RBM27: variants seen among roughly 807,000 people sequenced by gnomAD.
The protein encoded by RBM27 is RNA binding motif protein 27, also known as RNA-binding protein 27.
A neutral mutation model predicts 135.3 loss-of-function variants in RBM27; 22 were observed. The ratio of observed to expected loss-of-function variants is 0.16; its 90% confidence interval spans 0.12 to 0.23. The LOEUF (loss-of-function observed/expected upper bound fraction) is 0.23. Ranked by LOEUF, RBM27 falls within the 10% of genes least tolerant of loss-of-function variation. RBM27 has a pLI of 1.00. For missense variants in RBM27, 1,009 were observed against 1,281.0 expected (o/e 0.79, Z 3.24); for synonymous variants, 481 against 442.4 (o/e 1.09, Z -1.10).
At chr5:146,220,018 C>T (rs1281958272) in intron 2 of RBM27, among the ~76,000 whole-genome samples, 1 of 152,110 alleles carries the variant, frequency 6.6e-6, no homozygotes, top group Admixed American at 6.6e-5. Context: ...AAGGCATGAG[C>T]CCCTGTGCCT....
chr5:146,279,003 C>T (rs775197957), intron 19 of RBM27, among the ~76,000 whole-genome samples: 8 of 151,920 alleles, frequency 5.3e-5, no homozygotes, highest in Non-Finnish European at 1.5e-5. Flanking sequence ...TTACAGGCAT[C>T]AGCCCCTGCG....
At position 146,271,691 on chromosome 5, in the gene RBM27, G is replaced by A. The variant is rs772447091; in HGVS notation, c.2988+17G>A. 2.6e-5 allele frequency: 42 copies of A among 1,588,544 alleles called. No homozygotes were observed. The Admixed American group carries it at 6.9e-4, about 26-fold the overall frequency. Reference sequence around the variant, plus strand: ...CATTTCTCAGTAAGTTTTTAAAATAGCAAATGCTAACTGTAAAAACACTGT... The same window carrying A: ...CATTTCTCAGTAAGTTTTTAAAATAACAAATGCTAACTGTAAAAACACTGT... On this transcript the variant is annotated intron_variant, in intron 19 of 20. Coordinates refer to ENST00000265271, the MANE Select transcript of RBM27 (RefSeq NM_018989.2).
At chr5:146,247,515 A>G (rs1757681618) in intron 8 of RBM27, among the ~76,000 whole-genome samples, 2 of 152,178 alleles carry the variant, frequency 1.3e-5, no homozygotes, top group African/African-American at 4.8e-5. Context: ...CTTTATAGAA[A>G]TATCCTTTAC....
intron 14 of RBM27, among the ~76,000 whole-genome samples, chr5:146,266,294 G>A (rs866592322): frequency 8.5e-5 from 13 of 152,266 alleles, no homozygotes; most frequent in Admixed American, 3.3e-4. Flanking sequence ...TGAGTGACCT[G>A]GTTTCTTCAA....
Position 146,233,527 on chromosome 5 carries a change from C to T in RBM27, c.928C>T (p.Leu310=), listed in dbSNP as rs1370587681. 3 of 1,612,426 alleles carry T rather than the reference C, an allele frequency of 1.9e-6. No individual in the cohort carries two copies. The highest frequency in any genetic ancestry group is 2.2e-5 in the East Asian group (1 of 44,738). The change falls in exon 7 of 21, where the codon CTG becomes TTG. Residue 310 remains leucine, a synonymous_variant. Transcript: ENST00000265271. Reference sequence around the variant, plus strand: ...TCCCCTAGTTGTTGATGAAGTTGCTCTGCCAAGTATGATTCCTTTCCCACC... The same window carrying T: ...TCCCCTAGTTGTTGATGAAGTTGCTTTGCCAAGTATGATTCCTTTCCCACC... ...NDPLVVDEVA[L]PSMIPFPPPP...
In RBM27 at chr5:146,229,189, G is replaced by GT. The variant is rs559539212; in HGVS notation, c.395+158dup. 71 of 618,738 alleles carry GT rather than the reference G, an allele frequency of 1.1e-4. No individual in the cohort carries two copies. In the South Asian group the frequency reaches 1.5e-3, roughly 13 times the overall value. 38.3% of individuals were successfully genotyped at this position (618,738 alleles called of 1,614,324 possible). A position where few individuals can be genotyped will look rare whatever the true frequency, so the allele number is the denominator to read the frequency against. On this transcript the variant is annotated intron_variant, in intron 4 of 20. Transcript: ENST00000265271. The stretch of plus-strand genomic sequence containing the variant: ...TACCTTTCTTCCTTTCATTCTTTCT[G>GT]TTTTTTGTCTTTTGTCTTACTTTCT...
intron 1 of RBM27, among the ~76,000 whole-genome samples, chr5:146,216,125 C>T (rs989173011): frequency 2.6e-5 from 4 of 152,002 alleles, no homozygotes; most frequent in East Asian, 3.9e-4. Context: ...GGCACAATCT[C>T]GGCTCACTGC....
intron 1 of RBM27, among the ~76,000 whole-genome samples, chr5:146,210,547 G>T (rs1755887463): frequency 6.6e-6 from 1 of 152,112 alleles, no homozygotes; most frequent in African/African-American, 2.4e-5. Flanking sequence ...TTGTTACCAT[G>T]AGAGGACACA....
intron 10 of RBM27, among the ~76,000 whole-genome samples, chr5:146,255,334 A>G (rs535705875): frequency 6.6e-6 from 1 of 152,212 alleles, no homozygotes; most frequent in East Asian, 1.9e-4. Context: ...ATATTATTTA[A>G]CTGCTTCTTT....
In RBM27 at chr5:146,230,650, C is replaced by G; in HGVS notation, c.590-7C>G. On this transcript the variant is annotated splice_region_variant and splice_polypyrimidine_tract_variant and intron_variant, in intron 5 of 20. Coordinates refer to ENST00000265271, the MANE Select transcript of RBM27 (RefSeq NM_018989.2). ...TGTTTTCTGTTTTTAATTTTGTCTC[C>G]AAGTAGAGCACAGGGAAAGATCGAA... 1.9e-6 allele frequency: 3 copies of G among 1,610,536 alleles called. No homozygotes were observed. The highest frequency in any genetic ancestry group is 2.5e-6 in the Non-Finnish European group (3 of 1,178,154).
At chr5:146,222,808 A>G (rs934758451) in intron 2 of RBM27, among the ~76,000 whole-genome samples, 2 of 152,236 alleles carry the variant, frequency 1.3e-5, no homozygotes, top group African/African-American at 4.8e-5. Context: ...AGTAAAACAC[A>G]AAAAGTTAGT....
chr5:146,249,691 AAAAAAAAAAAGAAAAAGT>A (rs1314781431), intron 8 of RBM27, among the ~76,000 whole-genome samples: 2 of 147,638 alleles, frequency 1.4e-5, no homozygotes, highest in African/African-American at 4.8e-5. Context: ...CTCAAAAAAA[AAAAAAAAAAAGAAAAAGT>A]AAAAAAAAAA....
In RBM27 at chr5:146,287,301, A is replaced by G. The variant is rs891183225; in HGVS notation, c.*1271A>G. The G allele has an allele frequency of 2.6e-5, 4 of 152,398 alleles. No homozygotes were observed. The East Asian group carries it at 7.7e-4, about 29-fold the overall frequency. The allele number at this position is 152,398 out of a possible 1,614,324, so 9.4% of individuals were successfully genotyped here. A position where few individuals can be genotyped will look rare whatever the true frequency, so the allele number is the denominator to read the frequency against. On this transcript the variant is annotated 3_prime_UTR_variant, in exon 21 of 21. Coordinates refer to ENST00000265271, the MANE Select transcript of RBM27 (RefSeq NM_018989.2). ...CCTTTACTGTGTGCATTTTTACTGT[A>G]CACTGTATAGAGTAGAGTATCTGTT...
At chr5:146,223,020 A>G (rs956214398) in intron 2 of RBM27, among the ~76,000 whole-genome samples, 1 of 152,196 alleles carries the variant, frequency 6.6e-6, no homozygotes, top group African/African-American at 2.4e-5. Flanking sequence ...ATGCAGATAG[A>G]TAGAAACACA....
chr5:146,258,410 C>G, intron 10 of RBM27, 39 bp from the exon 11 acceptor site: 1 of 1,488,634 alleles, frequency 6.7e-7, no homozygotes. Flanking sequence ...CATTGAGACT[C>G]CTGAAAAACT....
At chr5:146,264,195 T>C (rs1015655209) in intron 14 of RBM27, among the ~76,000 whole-genome samples, 3 of 152,134 alleles carry the variant, frequency 2.0e-5, no homozygotes, top group Non-Finnish European at 2.9e-5. Context: ...TGTTTGTTTG[T>C]TTTTTGAGAC....
chr5:146,263,474 T>C lies in RBM27; in HGVS notation c.2191-17T>C. 6.2e-7 allele frequency: 1 copy of C among 1,606,182 alleles called. No individual in the cohort carries two copies. Among genetic ancestry groups the C allele is most frequent in the Non-Finnish European group, 8.5e-7 (1 of 1,174,968 alleles). ...TTTTAAACTTCTGCCACATAAGTGT[T>C]CATTTTGTATGTGCAGATGATGAGC... On this transcript the variant is annotated splice_polypyrimidine_tract_variant and intron_variant, in intron 13 of 20. Coordinates refer to ENST00000265271, the MANE Select transcript of RBM27 (RefSeq NM_018989.2).
intron 15 of RBM27, 69 bp from the exon 16 acceptor site, chr5:146,269,138 C>T (rs1366245900): frequency 9.1e-6 from 10 of 1,094,388 alleles, no homozygotes; most frequent in Non-Finnish European, 1.3e-5. Context: ...CAGGGATGAC[C>T]CAGAAAAAAT....
chr5:146,283,107 A>T (rs1199577624), intron 19 of RBM27, among the ~76,000 whole-genome samples: 1 of 152,234 alleles, frequency 6.6e-6, no homozygotes, highest in Non-Finnish European at 1.5e-5. Flanking sequence ...TAAAAGTAAT[A>T]TGTTTTTATT....
Sources: gnomAD v4.1 joint callset for allele counts (sites outside exome capture counted in the v4.1 genomes callset) on GRCh38, gnomAD v4.1.1 for gene constraint, MANE v1.5 for transcripts, NCBI Gene and HGNC (gene_info 2026-07-23, HGNC 2026-07-21) for gene names.